The following LRP2 variants were observed in gnomAD, a reference collection of about 807,000 sequenced individuals.
The protein encoded by LRP2 is LDL receptor related protein 2.
In LRP2, 172 loss-of-function variants were observed where a neutral mutation model predicts 531.0. That is an observed-to-expected ratio of 0.32 (90% CI 0.29 to 0.37). The LOEUF is 0.37. LRP2 is among the 10% of genes least tolerant of loss of function. The probability of loss-of-function intolerance (pLI) is 1.00; values close to 1 mark genes in which losing one functional copy is unlikely to be tolerated. For missense variants in LRP2, 5,167 were observed against 5,868.3 expected (o/e 0.88, Z 3.90); for synonymous variants, 1,992 against 2,027.6 (o/e 0.98, Z 0.47).
intron 16 of LRP2, 76 bp from the exon 17 acceptor site, chr2:169,259,293 G>T: frequency 8.4e-6 from 7 of 836,906 alleles, no homozygotes; most frequent in East Asian, 6.9e-5. Flanking sequence ...AATGCACACT[G>T]AAATTTTGTG....
At chr2:169,290,784 C>G (rs754014889) in intron 8 of LRP2, 61 bp downstream of exon 8, 105 of 1,561,732 alleles carry the variant, frequency 6.7e-5, no homozygotes, top group Non-Finnish European at 9.2e-5. Flanking sequence ...ATTTGAACGT[C>G]TGTTCTAGAA....
intron 17 of LRP2, among the ~76,000 whole-genome samples, chr2:169,258,423 T>A (rs74894286): frequency 6.6e-6 from 1 of 152,102 alleles, no homozygotes; most frequent in Non-Finnish European, 1.5e-5. Flanking sequence ...GCAGCCATCT[T>A]TTTTATCATT....
intron 77 of LRP2, 107 bp downstream of exon 77, chr2:169,132,467 T>C (rs1373902716): frequency 4.0e-6 from 3 of 755,184 alleles, no homozygotes; most frequent in Non-Finnish European, 7.4e-6. Flanking sequence ...CATCTTGAGA[T>C]CTTTGAGCCT....
intron 31 of LRP2, among the ~76,000 whole-genome samples, chr2:169,227,254 C>T (rs984718580): frequency 1.3e-5 from 2 of 152,092 alleles, no homozygotes. Flanking sequence ...AATAGTTGCC[C>T]AATAAATGTT....
rs1044011564 is a variant in LRP2 at position 169,128,304 on chromosome 2, A to G, written c.*359T>C. 2 of 208,014 alleles carry G rather than the reference A, an allele frequency of 9.6e-6. No homozygotes were observed. Among genetic ancestry groups the G allele is most frequent in the African/African-American group, 4.8e-5 (2 of 42,066 alleles). The allele number at this position is 208,014 out of a possible 1,614,324, so 12.9% of individuals were successfully genotyped here. On this transcript the variant is annotated 3_prime_UTR_variant, in exon 79 of 79. Transcript: ENST00000649046. ...AGACACGGCTAAAGGTCCCCAGTCA[A>G]TTCCTTTTCTTGTTGGATCATTTAC... is the stretch of plus-strand genomic sequence containing the variant.
Position 169,181,549 on chromosome 2 carries a change from C to T in LRP2, c.10068G>A (p.Lys3356=). The part of the protein sequence containing the change: ...IGRVGMDGTN[K]SVIISTKLEW... The stretch of plus-strand genomic sequence containing the variant: ...CTAACTTGGTGGAGATTATCACAGA[C>T]TTGTTGGTTCCATCCATGCCTACTC... Residue 3356 remains lysine (K), a synonymous_variant, in exon 52 of 79, where the codon AAG becomes AAA. Coordinates refer to ENST00000649046, the MANE Select transcript of LRP2 (RefSeq NM_004525.3). 1 of 1,614,156 alleles carries T rather than the reference C, an allele frequency of 6.2e-7. No individual in the cohort carries two copies. The highest frequency in any genetic ancestry group is 8.5e-7 in the Non-Finnish European group (1 of 1,180,024).
chr2:169,212,191 T>C lies in LRP2; in HGVS notation c.6057A>G (p.Ser2019=), dbSNP rs150970767. The C allele has an allele frequency of 5.8e-5, 93 of 1,614,084 alleles. No homozygotes were observed. In the African/African-American group the frequency reaches 1.1e-3, roughly 19 times the overall value. ...CATTCATGTTGTTGCTACAGCCATT[T>C]GAGGATTCGGCGGCATCTAAATGAA... The part of the protein sequence containing the change: ...VYHRRNAAES[S]NGCSNNMNAC... Residue 2019 remains serine (S), a synonymous_variant, in exon 37 of 79, where the codon TCA becomes TCG. Coordinates refer to ENST00000649046, the MANE Select transcript of LRP2 (RefSeq NM_004525.3).
chr2:169,294,120 A>G (rs1684075297), intron 6 of LRP2, 28 bp downstream of exon 6: 1 of 1,480,442 alleles, frequency 6.8e-7, no homozygotes, highest in Non-Finnish European at 9.4e-7. Context: ...TCCCAACAAC[A>G]TGACCCAGCA....
At chr2:169,287,646 T>G (rs77973849) in intron 9 of LRP2, among the ~76,000 whole-genome samples, 65 of 34,304 alleles carry the variant, frequency 1.9e-3, no homozygotes, top group South Asian at 6.6e-3. Context: ...CGCTGAAGAA[T>G]AATAATAATA....
At chr2:169,243,282 C>T (rs567195463) in intron 23 of LRP2, 121 bp downstream of exon 23, 3 of 1,225,808 alleles carry the variant, frequency 2.4e-6, no homozygotes, top group Non-Finnish European at 3.5e-6. Context: ...GCCATCCCTT[C>T]TCTAGCTCCC....
chr2:169,186,953 A>C (rs1039452661), intron 49 of LRP2, among the ~76,000 whole-genome samples: 45 of 152,348 alleles, frequency 3.0e-4, no homozygotes, highest in African/African-American at 1.1e-3. Context: ...TAAATGTATA[A>C]TATAGCACAT....
chr2:169,238,222 A>G lies in LRP2; in HGVS notation c.4375T>C (p.Tyr1459His), dbSNP rs1689676100. The change falls in exon 27 of 79, where the codon TAT becomes CAT. Residue 1459 changes from tyrosine (Y) to histidine (H), a missense_variant. Tyr to His is a moderately conservative substitution (Grantham distance 83). This residue lies in a region of LRP2 where 2,811 missense variants were observed against 3,058.0 expected (regional missense o/e 0.92). Transcript: ENST00000649046. The part of the protein sequence containing the change: ...DSVTSQVHNI[Y>H]SLVENGSYIV... The stretch of plus-strand genomic sequence containing the variant: ...TAAGAACCATTCTCGACCAATGAAT[A>G]GATATTGTGGACCTGGGAGGTGACA... The G allele has an allele frequency of 6.2e-7, 1 of 1,614,156 alleles. No homozygotes were observed. The highest frequency in any genetic ancestry group is 1.1e-5 in the South Asian group (1 of 91,076).
At chr2:169,326,159 T>TCTCCCC (rs1221027882) in intron 1 of LRP2, among the ~76,000 whole-genome samples, 1 of 48,248 alleles carries the variant, frequency 2.1e-5, no homozygotes. Flanking sequence ...TCCCTCTCCC[T>TCTCCCC]CTCCCTCTCC....
chr2:169,150,659 A>T (rs746780788), intron 68 of LRP2, among the ~76,000 whole-genome samples: 1 of 152,212 alleles, frequency 6.6e-6, no homozygotes, highest in African/African-American at 2.4e-5. Flanking sequence ...TTTGGCAAGG[A>T]ATCCATGTAA....
chr2:169,278,589 A>C (rs1441371756), intron 12 of LRP2, among the ~76,000 whole-genome samples: 1 of 152,184 alleles, frequency 6.6e-6, no homozygotes, highest in Admixed American at 6.5e-5. Context: ...ATACCTTTTA[A>C]AAGAAGCTAT....
Position 169,132,631 on chromosome 2 carries a change from G to A in LRP2, c.13671C>T (p.Asn4557=), listed in dbSNP as rs768687333. 34 of 1,611,488 alleles carry A rather than the reference G, an allele frequency of 2.1e-5. No homozygotes were observed. Among genetic ancestry groups the A allele is most frequent in the Non-Finnish European group, 2.5e-5 (30 of 1,177,696 alleles). ...TTGTCTCTGGAACTATCTCAGAAGG[G>A]TTTATGGGACTTCCATAATTCTTAT... is the stretch of plus-strand genomic sequence containing the variant. ...VDNKNYGSPI[N]PSEIVPETNP... is the part of the protein sequence containing the mutation. Residue 4557 remains asparagine, a synonymous_variant, in exon 77 of 79, where the codon AAC becomes AAT. Coordinates refer to ENST00000649046, the MANE Select transcript of LRP2 (RefSeq NM_004525.3).
At chr2:169,134,661 T>A (rs1436950105) in intron 76 of LRP2, among the ~76,000 whole-genome samples, 1 of 152,190 alleles carries the variant, frequency 6.6e-6, no homozygotes, top group East Asian at 1.9e-4. Flanking sequence ...ACTCATTGCC[T>A]TAAGTCAAAC....
rs770495841 is a variant in LRP2 at position 169,192,026 on chromosome 2, T to C, written c.8838A>G (p.Gln2946=). The change falls in exon 48 of 79, where the codon CAA becomes CAG. Residue 2946 remains glutamine, a synonymous_variant. Transcript: ENST00000649046. ...DEDKRHQCQN[Q]NCSDSEFLCV... ...AGAGAAACTCGGAATCCGAGCAGTT[T>C]TGATTCTCTGAAACCAAAGCACGCA... is the stretch of plus-strand genomic sequence containing the variant. 1.2e-6 allele frequency: 2 copies of C among 1,611,314 alleles called. No individual in the cohort carries two copies. Among genetic ancestry groups the C allele is most frequent in the East Asian group, 2.2e-5 (1 of 44,844 alleles).
At chr2:169,324,322 T>C (rs1574257176) in intron 1 of LRP2, among the ~76,000 whole-genome samples, 1 of 152,100 alleles carries the variant, frequency 6.6e-6, no homozygotes, top group South Asian at 2.1e-4. Flanking sequence ...AAAAAAAGTT[T>C]ATTCCACTAA....
Sources: allele counts gnomAD v4.1 joint callset (sites outside exome capture counted in the v4.1 genomes callset), GRCh38; gene constraint gnomAD v4.1.1; regional missense constraint gnomAD v4.1.1; transcripts MANE v1.5; gene names NCBI Gene and HGNC (gene_info 2026-07-23, HGNC 2026-07-21).